ANK2: variants seen among roughly 807,000 people sequenced by gnomAD.
ANK2 encodes the protein ankyrin 2, also known as ankyrin-2.
A neutral mutation model predicts 360.5 loss-of-function variants in ANK2; 83 were observed. That is an observed-to-expected ratio of 0.23 (90% CI 0.19 to 0.28). The LOEUF (loss-of-function observed/expected upper bound fraction) is 0.28. ANK2 is among the 10% of genes least tolerant of loss of function. The pLI, the probability that ANK2 is intolerant of heterozygous loss-of-function variation, is 1.00. For synonymous variants in ANK2, 1,740 were observed against 1,759.5 expected (o/e 0.99, Z 0.28); for missense variants, 4,201 against 4,795.7 (o/e 0.88, Z 3.66).
chr4:113,232,903 C>G (rs2099327788), intron 5 of ANK2, among the ~76,000 whole-genome samples: 1 of 152,074 alleles, frequency 6.6e-6, no homozygotes, highest in East Asian at 1.9e-4. Context: ...TGTATTTTCC[C>G]TCTCATTTTT....
At chr4:112,839,915 G>GC (rs1415805869) in intron 1 of ANK2, among the ~76,000 whole-genome samples, 1 of 152,136 alleles carries the variant, frequency 6.6e-6, no homozygotes, top group African/African-American at 2.4e-5. Context: ...TCTTAAAAAT[G>GC]CCTATTTGTA....
At chr4:113,373,804 C>T (rs967907736) in intron 45 of ANK2, among the ~76,000 whole-genome samples, 1 of 152,218 alleles carries the variant, frequency 6.6e-6, no homozygotes, top group Non-Finnish European at 1.5e-5. Flanking sequence ...TAGAAACGCA[C>T]TGTGGTGCTT....
At chr4:113,038,600 C>T (rs1201586939) in intron 2 of ANK2, among the ~76,000 whole-genome samples, 1 of 151,938 alleles carries the variant, frequency 6.6e-6, no homozygotes, top group African/African-American at 2.4e-5. Context: ...TTTCCACCTA[C>T]CCCTCAACAA....
At position 113,137,198 on chromosome 4, in the gene ANK2, A is replaced by T. The variant is rs1211559949; in HGVS notation, c.85-37218A>T. Among the ~76,000 whole-genome samples the T allele has an allele frequency of 5.3e-5, 8 of 152,216 alleles. 1 individual carries two copies. Among genetic ancestry groups the T allele is most frequent in the Admixed American group, 5.2e-4 (8 of 15,286 alleles). On this transcript the variant is annotated intron_variant, in intron 1 of 45. Coordinates refer to ENST00000357077, the MANE Select transcript of ANK2 (RefSeq NM_001148.6). The stretch of plus-strand genomic sequence containing the variant: ...TTGAATAGGTCTGAGCTTTGGAAAG[A>T]TCTCCTTGGCTAAGGCGCATGACAA...
Position 112,983,378 on chromosome 4 carries a change from T to TAA in ANK2, c.21+78877_21+78878dup, listed in dbSNP as rs55756054. 5.7e-3 allele frequency among the ~76,000 whole-genome samples: 817 copies of TAA among 143,330 alleles called. 11 individuals are homozygous for TAA. Among genetic ancestry groups the TAA allele is most frequent in the African/African-American group, 0.019 (740 of 39,152 alleles). 94.0% of individuals were successfully genotyped at this position (143,330 alleles called of 152,430 possible). A position where few individuals can be genotyped will look rare whatever the true frequency, so the allele number is the denominator to read the frequency against. Reference sequence around the variant, plus strand: ...GTATAGACTTCTAACATTATTGGGTTAAAAAAAAAAAAAAGAGGCCGGGCG... The same window carrying TAA: ...GTATAGACTTCTAACATTATTGGGTTAAAAAAAAAAAAAAAAGAGGCCGGGCG... On this transcript the variant is annotated intron_variant, in intron 2 of 30. Coordinates refer to the ANK2 transcript ENST00000503271.
rs140189724 is a variant in ANK2 at position 113,354,376 on chromosome 4, G to A, written c.5758G>A (p.Gly1920Arg). ...CAAACGTCCACCTGTATCGCCCTCC[G>A]GGAGGACAGAAAAACACCCGCCAGT... ...TDKRPPVSPS[G>R]RTEKHPPVSP... The change falls in exon 38 of 46, where the codon GGG becomes AGG. Residue 1920 changes from glycine (G) to arginine (R), a missense_variant. This residue lies in a region of ANK2 where 2,642 missense variants were observed against 2,714.5 expected (regional missense o/e 0.97). Coordinates refer to ENST00000357077, the MANE Select transcript of ANK2 (RefSeq NM_001148.6). The A allele has an allele frequency of 5.8e-5, 93 of 1,613,846 alleles. 1 individual carries two copies. Among genetic ancestry groups the A allele is most frequent in the Middle Eastern group, 1.6e-4 (1 of 6,080 alleles).
chr4:112,813,728 G>A (rs1306539306), upstream of ANK2, among the ~76,000 whole-genome samples: 3 of 152,124 alleles, frequency 2.0e-5, no homozygotes, highest in Admixed American at 6.6e-5. Context: ...TAGAGACAGG[G>A]TCTTGCCATG....
intron 29 of ANK2, among the ~76,000 whole-genome samples, chr4:113,335,561 A>T (rs990443189): frequency 1.3e-5 from 2 of 152,170 alleles, no homozygotes; most frequent in African/African-American, 4.8e-5. Flanking sequence ...GTGGCCCTGC[A>T]ATGCTGCACC....
intron 1 of ANK2, among the ~76,000 whole-genome samples, chr4:112,884,842 C>T (rs2077799439): frequency 6.6e-6 from 1 of 152,122 alleles, no homozygotes; most frequent in African/African-American, 2.4e-5. Flanking sequence ...AGGTGTGTCC[C>T]TCACCTCCAA....
At chr4:112,847,138 A>T (rs2063499437) in intron 1 of ANK2, among the ~76,000 whole-genome samples, 1 of 152,164 alleles carries the variant, frequency 6.6e-6, no homozygotes, top group South Asian at 2.1e-4. Flanking sequence ...GGACAAAATT[A>T]TGGTCTCTGC....
the ANK2 span, among the ~76,000 whole-genome samples, chr4:112,774,860 C>T: frequency 1.3e-5 from 2 of 152,222 alleles, no homozygotes; most frequent in Non-Finnish European, 2.9e-5. Flanking sequence ...AAATTTTGAA[C>T]GTTTTTGAGA....
At chr4:112,782,091 G>A in the ANK2 span, among the ~76,000 whole-genome samples, 1 of 152,152 alleles carries the variant, frequency 6.6e-6, no homozygotes, top group Non-Finnish European at 1.5e-5. Context: ...GCCTCCCAAA[G>A]TGCTGGAATT....
the ANK2 span, among the ~76,000 whole-genome samples, chr4:112,727,717 G>T: frequency 7.9e-5 from 12 of 152,238 alleles, no homozygotes; most frequent in South Asian, 2.5e-3. Context: ...CTGTAATCAG[G>T]CCTGTAACCC....
chr4:113,161,547 G>C (rs1472807241), intron 1 of ANK2, among the ~76,000 whole-genome samples: 1 of 152,174 alleles, frequency 6.6e-6, no homozygotes, highest in Non-Finnish European at 1.5e-5. Flanking sequence ...GGTAAATTTA[G>C]AAAGTTACAG....
At chr4:112,913,182 A>T (rs2088348243) in intron 2 of ANK2, among the ~76,000 whole-genome samples, 1 of 152,224 alleles carries the variant, frequency 6.6e-6, no homozygotes, top group Non-Finnish European at 1.5e-5. Context: ...ATTTGATAAT[A>T]GCATAGTGCT....
chr4:113,053,213 A>T (rs996871681), intron 1 of ANK2, among the ~76,000 whole-genome samples: 2 of 152,192 alleles, frequency 1.3e-5, no homozygotes, highest in African/African-American at 2.4e-5. Context: ...CCTGTGGGTC[A>T]GTGGCTGCCT....
chr4:113,218,718 A>G (rs2099115593), intron 4 of ANK2, among the ~76,000 whole-genome samples: 1 of 152,170 alleles, frequency 6.6e-6, no homozygotes, highest in Non-Finnish European at 1.5e-5. Flanking sequence ...TTTCTCAAAG[A>G]CAGTTAAGTA....
chr4:113,343,799 C>A (rs1365410984), intron 34 of ANK2, among the ~76,000 whole-genome samples: 2 of 152,122 alleles, frequency 1.3e-5, no homozygotes, highest in Admixed American at 1.3e-4. Context: ...TTCTACTCTG[C>A]ATTATTTTCC....
chr4:113,196,678 C>T (rs2098752521), intron 3 of ANK2, among the ~76,000 whole-genome samples: 1 of 152,092 alleles, frequency 6.6e-6, no homozygotes, highest in Admixed American at 6.6e-5. Context: ...CAGGCGTGCG[C>T]CACCATGCCC....
Sources: gnomAD v4.1 joint callset for allele counts (sites outside exome capture counted in the v4.1 genomes callset) on GRCh38, gnomAD v4.1.1 for gene constraint, gnomAD v4.1.1 regional missense constraint, MANE v1.5 for transcripts, NCBI Gene and HGNC (gene_info 2026-07-23, HGNC 2026-07-21) for gene names.